SLC38A7: variants seen among roughly 807,000 people sequenced by gnomAD.
SLC38A7 encodes sodium-coupled neutral amino acid transporter 7.
A neutral mutation model predicts 50.1 loss-of-function variants in SLC38A7; 29 were observed. That is an observed-to-expected ratio of 0.58 (90% CI 0.43 to 0.79). The LOEUF (loss-of-function observed/expected upper bound fraction) is 0.79, where lower values mean the gene tolerates loss of function less well. SLC38A7 is among the 30% of genes least tolerant of loss of function. SLC38A7 has a pLI of 0.00. For synonymous variants in SLC38A7, 244 were observed against 245.9 expected (o/e 0.99, Z 0.07); for missense variants, 483 against 610.6 (o/e 0.79, Z 2.20).
intron 8 of SLC38A7, among the ~76,000 whole-genome samples, chr16:58,675,657 T>C (rs2044249554): frequency 6.6e-6 from 1 of 152,208 alleles, no homozygotes; most frequent in South Asian, 2.1e-4. Context: ...GTCAACTCCA[T>C]GAGGGCAAGA....
At position 58,676,282 on chromosome 16, in the gene SLC38A7, C is replaced by T. The variant is rs748150918; in HGVS notation, c.768+7G>A. On this transcript the variant is annotated splice_region_variant and intron_variant, in intron 7 of 11. Coordinates refer to ENST00000219320, the MANE Select transcript of SLC38A7 (RefSeq NM_018231.3). ...GACAGCAGGGACCTTGCAACTGGCA[C>T]TGGCACCTGAAATCCGAAGCAGATG... 3 of 1,614,200 alleles carry T rather than the reference C, an allele frequency of 1.9e-6. No individual in the cohort carries two copies. The East Asian group carries it at 6.7e-5, about 36-fold the overall frequency.
At chr16:58,669,987 A>C (rs2044128313) in intron 11 of SLC38A7, 126 bp downstream of exon 11, 3 of 850,812 alleles carry the variant, frequency 3.5e-6, no homozygotes, top group African/African-American at 3.5e-5. Context: ...AAAAAAAAAA[A>C]CAAAACAAAA....
At position 58,667,345 on chromosome 16, in the gene SLC38A7, G is replaced by A. The variant is rs1265017866; in HGVS notation, c.*40C>T. Reference sequence around the variant, plus strand: ...ATAGCTCTAAGAGATGGGTTCCTGCGACCAATGGCAAAGGCCTTGTGTTCC... The same window carrying A: ...ATAGCTCTAAGAGATGGGTTCCTGCAACCAATGGCAAAGGCCTTGTGTTCC... On this transcript the variant is annotated 3_prime_UTR_variant, in exon 12 of 12. Transcript: ENST00000219320. The A allele has an allele frequency of 8.1e-6, 13 of 1,596,968 alleles. No individual in the cohort carries two copies. The highest frequency in any genetic ancestry group is 2.7e-5 in the African/African-American group (2 of 74,550).
intron 11 of SLC38A7, 85 bp downstream of exon 11, chr16:58,670,028 A>G: frequency 3.4e-6 from 4 of 1,177,328 alleles, no homozygotes; most frequent in South Asian, 1.4e-5. Flanking sequence ...CAAGCCTCTG[A>G]CTCCTATCTG....
At chr16:58,675,625 T>C (rs970137176) in intron 8 of SLC38A7, among the ~76,000 whole-genome samples, 2 of 152,216 alleles carry the variant, frequency 1.3e-5, no homozygotes, top group African/African-American at 4.8e-5. Flanking sequence ...TACTCCTGCA[T>C]GACTGTCTCT....
rs71155293 is a variant in SLC38A7 at position 58,669,103 on chromosome 16, C to CT, written c.1286+1009dup. ...TTCTTTTTTAGACATGTTTGTATGG[C>CT]TTTTTTTTTTTTTTTTTTTTTTTTT... is the stretch of plus-strand genomic sequence containing the variant. On this transcript the variant is annotated intron_variant, in intron 11 of 11. Transcript: ENST00000219320. Among the ~76,000 whole-genome samples the CT allele has an allele frequency of 9.5e-3, 520 of 54,620 alleles. 74 individuals are homozygous for CT. Among genetic ancestry groups the CT allele is most frequent in the Non-Finnish European group, 0.014 (433 of 32,022 alleles). 35.8% of individuals were successfully genotyped at this position (54,620 alleles called of 152,430 possible).
Position 58,679,999 on chromosome 16 carries a change from G to T in SLC38A7, c.128C>A (p.Pro43His). ...TAPKSEWEASPGGLDRGTTST... is the reference protein window; with the variant it reads ...TAPKSEWEASHGGLDRGTTST... ...AGTGGTGCCTCTGTCCAGACCCCCA[G>T]GAGAGGCTTCCCACTCACTCTTGGG... is the stretch of plus-strand genomic sequence containing the variant. The change falls in exon 3 of 12, where the codon CCT becomes CAT. Residue 43 changes from proline (P) to histidine (H), a missense_variant. Physicochemically the swap from Pro to His is moderately conservative, Grantham distance 77. Transcript: ENST00000219320. The T allele has an allele frequency of 2.5e-6, 4 of 1,612,264 alleles. No individual in the cohort carries two copies. Among genetic ancestry groups the T allele is most frequent in the Non-Finnish European group, 3.4e-6 (4 of 1,179,004 alleles).
intron 8 of SLC38A7, 109 bp from the exon 9 acceptor site, chr16:58,672,352 A>T (rs1597667131): frequency 8.3e-7 from 1 of 1,212,086 alleles, no homozygotes. Context: ...GCAGCTCTGG[A>T]CACTTAGACG....
intron 5 of SLC38A7, 27 bp from the exon 6 acceptor site, chr16:58,677,451 C>T (rs2044294276): frequency 6.2e-7 from 1 of 1,604,048 alleles, no homozygotes; most frequent in Non-Finnish European, 8.5e-7. Flanking sequence ...ACTAAGTGTC[C>T]TCATCCCCAG....
chr16:58,672,640 CTG>C (rs962120416), intron 8 of SLC38A7, among the ~76,000 whole-genome samples: 1 of 152,134 alleles, frequency 6.6e-6, no homozygotes, highest in African/African-American at 2.4e-5. Flanking sequence ...TCACATCACG[CTG>C]TCTTATTTTT....
In SLC38A7 at chr16:58,672,581, A is replaced by T. The variant is rs76270539; in HGVS notation, c.884-338T>A. Among the ~76,000 whole-genome samples the T allele has an allele frequency of 3.4e-4, 51 of 152,182 alleles. No individual in the cohort carries two copies. In the East Asian group the frequency reaches 9.9e-3, roughly 29 times the overall value. ...TCAGTTTAGATGTCCTTCCTCAGAG[A>T]ATGCTTCCTGCCAGTCCATCTACAA... On this transcript the variant is annotated intron_variant, in intron 8 of 11. Coordinates refer to ENST00000219320, the MANE Select transcript of SLC38A7 (RefSeq NM_018231.3).
At chr16:58,683,346 GACAA>G (rs1383356287) in intron 2 of SLC38A7, among the ~76,000 whole-genome samples, 3 of 152,184 alleles carry the variant, frequency 2.0e-5, no homozygotes, top group African/African-American at 4.8e-5. Context: ...CCTGATGATG[GACAA>G]ACAAAGCTGG....
chr16:58,675,773 C>T (rs2044251591), intron 8 of SLC38A7, among the ~76,000 whole-genome samples, 167 bp downstream of exon 8: 1 of 152,166 alleles, frequency 6.6e-6, no homozygotes. Flanking sequence ...ACACCACTCT[C>T]ATCTTGGCAG....
intron 8 of SLC38A7, among the ~76,000 whole-genome samples, chr16:58,672,511 T>A (rs1567470706): frequency 6.6e-6 from 1 of 152,180 alleles, no homozygotes; most frequent in Non-Finnish European, 1.5e-5. Context: ...CACTGACTGT[T>A]CTGTCTGGCA....
At chr16:58,667,510 G>A in intron 11 of SLC38A7, 23 bp from the exon 12 acceptor site, 1 of 1,558,556 alleles carries the variant, frequency 6.4e-7, no homozygotes. Context: ...GGGTGAGAGA[G>A]GTCTGATCAG....
Position 58,667,076 on chromosome 16 carries a change from C to T in SLC38A7, c.*309G>A. The T allele has an allele frequency of 2.2e-6, 1 of 461,092 alleles. No individual in the cohort carries two copies. Among genetic ancestry groups the T allele is most frequent in the East Asian group, 3.4e-5 (1 of 29,246 alleles). 28.6% of individuals were successfully genotyped at this position (461,092 alleles called of 1,614,324 possible). The stretch of plus-strand genomic sequence containing the variant: ...CAGACTGGATTCTTTCTTATGAGAT[C>T]TACCGACTCTCTTCACCCGTGGATT... On this transcript the variant is annotated 3_prime_UTR_variant, in exon 12 of 12. Coordinates refer to ENST00000219320, the MANE Select transcript of SLC38A7 (RefSeq NM_018231.3).
chr16:58,672,669 CAG>C (rs1399976502), intron 8 of SLC38A7, among the ~76,000 whole-genome samples: 1 of 152,154 alleles, frequency 6.6e-6, no homozygotes, highest in East Asian at 1.9e-4. Flanking sequence ...TTTTTTGAGA[CAG>C]AGTCTTGCCC....
chr16:58,668,504 T>C (rs2044088813), intron 11 of SLC38A7, among the ~76,000 whole-genome samples: 1 of 151,782 alleles, frequency 6.6e-6, no homozygotes, highest in African/African-American at 2.4e-5. Flanking sequence ...GCCACTGCAC[T>C]CCAGCCTGGG....
chr16:58,669,936 C>T (rs912183627), intron 11 of SLC38A7, among the ~76,000 whole-genome samples, 177 bp downstream of exon 11: 5 of 151,406 alleles, frequency 3.3e-5, no homozygotes, highest in African/African-American at 1.2e-4. Context: ...GATCGTGCCA[C>T]TGCACTCCAG....
Sources: allele counts gnomAD v4.1 joint callset (sites outside exome capture counted in the v4.1 genomes callset), GRCh38; gene constraint gnomAD v4.1.1; transcripts MANE v1.5; gene names NCBI Gene and HGNC (gene_info 2026-07-23, HGNC 2026-07-21).